The following PRR16 variants were observed in gnomAD, a reference collection of about 807,000 sequenced individuals.
PRR16 encodes the protein proline rich 16.
Under a neutral mutation model 18.2 loss-of-function variants are expected in PRR16, and 6 were observed. The ratio of observed to expected loss-of-function variants is 0.33; its 90% CI spans 0.18 to 0.65. PRR16 has a LOEUF of 0.65. Ranked by LOEUF, PRR16 falls within the 30% of genes least tolerant of loss-of-function variation. The probability of loss-of-function intolerance (pLI) is 0.74; values close to 1 mark genes in which losing one functional copy is unlikely to be tolerated. For missense variants in PRR16, 412 were observed against 376.6 expected (o/e 1.09, Z -0.78); for synonymous variants, 151 against 147.8 (o/e 1.02, Z -0.16).
At chr5:120,762,399 A>G in the PRR16 span, among the ~76,000 whole-genome samples, 1 of 152,112 alleles carries the variant, frequency 6.6e-6, no homozygotes, top group South Asian at 2.1e-4. Flanking sequence ...CACCTTTTCT[A>G]AGTAGGGTAA....
chr5:120,767,917 T>TTGA, the PRR16 span, among the ~76,000 whole-genome samples: 1 of 151,858 alleles, frequency 6.6e-6, no homozygotes, highest in Admixed American at 6.6e-5. Context: ...GATATATCAA[T>TTGA]TATATCACAA....
At chr5:120,568,577 T>A (rs1334671468) in intron 1 of PRR16, among the ~76,000 whole-genome samples, 1 of 152,222 alleles carries the variant, frequency 6.6e-6, no homozygotes, top group Non-Finnish European at 1.5e-5. Flanking sequence ...AGGGAACCCA[T>A]TCTAAATAGA....
intron 1 of PRR16, among the ~76,000 whole-genome samples, chr5:120,626,558 A>G (rs555068475): frequency 1.4e-4 from 22 of 152,270 alleles, no homozygotes; most frequent in African/African-American, 5.3e-4. Context: ...GATTTACTAA[A>G]TAGCATTTAT....
chr5:120,606,264 G>A (rs562782428), intron 1 of PRR16, among the ~76,000 whole-genome samples: 49 of 152,280 alleles, frequency 3.2e-4, no homozygotes, highest in African/African-American at 1.1e-3. Context: ...CAGAGGCTGT[G>A]ATGGAGCCTC....
chr5:120,621,947 C>T (rs1042782882), intron 1 of PRR16, among the ~76,000 whole-genome samples: 1 of 152,164 alleles, frequency 6.6e-6, no homozygotes. Flanking sequence ...CAAACTGGCT[C>T]ACTGTATTAT....
At chr5:120,702,626 G>A in the PRR16 span, among the ~76,000 whole-genome samples, 3 of 152,172 alleles carry the variant, frequency 2.0e-5, no homozygotes, top group Non-Finnish European at 2.9e-5. Context: ...CCAAGGGAAG[G>A]CTGCCTTCCC....
chr5:120,485,174 C>T (rs569602070), intron 1 of PRR16, among the ~76,000 whole-genome samples: 1 of 152,058 alleles, frequency 6.6e-6, no homozygotes, highest in Admixed American at 6.6e-5. Flanking sequence ...TATTAATTAA[C>T]TTGCTAAACA....
intron 1 of PRR16, among the ~76,000 whole-genome samples, chr5:120,585,922 T>G (rs1305950913): frequency 6.6e-6 from 1 of 152,064 alleles, no homozygotes; most frequent in Non-Finnish European, 1.5e-5. Flanking sequence ...ATGCTTGTAA[T>G]CCCAGCACTT....
intron 1 of PRR16, among the ~76,000 whole-genome samples, chr5:120,519,729 T>C (rs1751111708): frequency 6.6e-6 from 1 of 152,084 alleles, no homozygotes; most frequent in Admixed American, 6.5e-5. Context: ...AAGAGCAGCT[T>C]TTATTTTTTA....
the PRR16 span, among the ~76,000 whole-genome samples, chr5:120,715,372 T>C: frequency 6.6e-6 from 1 of 152,338 alleles, no homozygotes; most frequent in African/African-American, 2.4e-5. Context: ...TTATAGCCCT[T>C]ACTACTCAAT....
chr5:120,469,248 C>T (rs778604540), intron 1 of PRR16, among the ~76,000 whole-genome samples: 26 of 152,076 alleles, frequency 1.7e-4, no homozygotes, highest in South Asian at 6.2e-4. Flanking sequence ...AAATTCCTAC[C>T]GAGTATTTTT....
the PRR16 span, among the ~76,000 whole-genome samples, chr5:120,711,504 ATTAAG>A: frequency 1.3e-5 from 2 of 152,210 alleles, no homozygotes; most frequent in African/African-American, 4.8e-5. Context: ...CCCCAAGCTG[ATTAAG>A]TTAAGAACTA....
chr5:120,760,611 T>C, the PRR16 span, among the ~76,000 whole-genome samples: 2 of 150,652 alleles, frequency 1.3e-5, no homozygotes, highest in African/African-American at 2.4e-5. Context: ...CCAAAGCATG[T>C]TGCTTAATTA....
chr5:120,519,505 C>T (rs552770565), intron 1 of PRR16, among the ~76,000 whole-genome samples: 2 of 152,218 alleles, frequency 1.3e-5, no homozygotes, highest in South Asian at 4.2e-4. Flanking sequence ...GTTTTTCTAT[C>T]ATGAGCATTC....
chr5:120,591,787 A>G (rs1753643693), intron 1 of PRR16, among the ~76,000 whole-genome samples: 1 of 152,128 alleles, frequency 6.6e-6, no homozygotes, highest in Non-Finnish European at 1.5e-5. Context: ...CATGGTAAGG[A>G]TAATTTTAAA....
At chr5:120,789,035 C>G in the PRR16 span, among the ~76,000 whole-genome samples, 1 of 152,026 alleles carries the variant, frequency 6.6e-6, no homozygotes, top group Non-Finnish European at 1.5e-5. Flanking sequence ...GAGAAAACCA[C>G]ATTCTCTTTG....
chr5:120,723,285 T>C, the PRR16 span, among the ~76,000 whole-genome samples: 74 of 151,978 alleles, frequency 4.9e-4, no homozygotes, highest in Non-Finnish European at 7.4e-4. Flanking sequence ...ATGTATTTGG[T>C]ACTCAATTTA....
At chr5:120,617,481 T>C (rs1366673265) in intron 1 of PRR16, among the ~76,000 whole-genome samples, 1 of 152,184 alleles carries the variant, frequency 6.6e-6, no homozygotes, top group Non-Finnish European at 1.5e-5. Context: ...ATTTCAGCAA[T>C]GTTTTATTTT....
chr5:120,508,035 T>A (rs1750701931), intron 1 of PRR16, among the ~76,000 whole-genome samples: 1 of 152,136 alleles, frequency 6.6e-6, no homozygotes, highest in African/African-American at 2.4e-5. Flanking sequence ...TCTCAACCTC[T>A]CCTACTAAAT....
Sources: allele counts gnomAD v4.1 joint callset (sites outside exome capture counted in the v4.1 genomes callset), GRCh38; gene constraint gnomAD v4.1.1; transcripts MANE v1.5; gene names NCBI Gene and HGNC (gene_info 2026-07-23, HGNC 2026-07-21).